NHS: variants seen among roughly 807,000 people sequenced by gnomAD.
The protein encoded by NHS is NHS actin remodeling regulator, also known as actin remodeling regulator NHS.
In NHS, 5 loss-of-function variants were observed where a neutral mutation model predicts 72.5. The observed-to-expected ratio is 0.07, with a 90% CI of 0.04 to 0.14. The LOEUF (loss-of-function observed/expected upper bound fraction) is 0.14. Ranked by LOEUF, NHS falls within the 10% of genes least tolerant of loss-of-function variation. The pLI, the probability that NHS is intolerant of heterozygous loss-of-function variation, is 1.00. For missense variants in NHS, 1,072 were observed against 1,355.7 expected (o/e 0.79, Z 3.29); for synonymous variants, 464 against 547.7 (o/e 0.85, Z 2.13).
intron 1 of NHS, among the ~76,000 whole-genome samples, chrX:17,482,357 C>T (rs1369556174): frequency 8.9e-6 from 1 of 111,758 alleles, no homozygotes; most frequent in Non-Finnish European, 1.9e-5. Context: ...TCCACAGTCC[C>T]TCTCTATAAG....
chrX:17,624,357 A>G (rs1195133949), intron 1 of NHS, among the ~76,000 whole-genome samples: 1 of 112,193 alleles, frequency 8.9e-6, no homozygotes, highest in African/African-American at 3.2e-5. Flanking sequence ...AAGCATCCAA[A>G]TCATACAATT....
At chrX:17,692,288 G>T in intron 2 of NHS, 47 bp from the exon 3 acceptor site, 1 of 1,181,256 alleles carries the variant, frequency 8.5e-7, no homozygotes, top group East Asian at 3.1e-5. Flanking sequence ...AAGAGAAATT[G>T]AAAATGCCAA....
intron 1 of NHS, among the ~76,000 whole-genome samples, chrX:17,598,182 C>A (rs371939338): frequency 1.8e-5 from 2 of 111,145 alleles, no homozygotes; most frequent in African/African-American, 3.3e-5. Flanking sequence ...TTCCAACAGG[C>A]CTTCTTGGGC....
chrX:17,586,621 A>G (rs994686344), intron 1 of NHS: 14 of 111,909 alleles, frequency 1.3e-4, no homozygotes, highest in African/African-American at 3.9e-4. Flanking sequence ...AAGATCTGAG[A>G]ATGTTGCTAA....
At chrX:17,591,391 A>G (rs2065602165) in intron 1 of NHS, among the ~76,000 whole-genome samples, 1 of 111,656 alleles carries the variant, frequency 9.0e-6, no homozygotes, top group Non-Finnish European at 1.9e-5. Context: ...TTCCACAACC[A>G]AACCCAAGAT....
chrX:17,682,323 C>G (rs899077586), intron 1 of NHS, among the ~76,000 whole-genome samples: 11 of 111,521 alleles, frequency 9.9e-5, no homozygotes, highest in African/African-American at 3.3e-4. Context: ...AACAAACTGG[C>G]TATGTATCTG....
chrX:17,677,267 G>T (rs745547641), intron 1 of NHS, among the ~76,000 whole-genome samples: 41 of 112,307 alleles, frequency 3.7e-4, no homozygotes, highest in Non-Finnish European at 6.9e-4. Flanking sequence ...ATTTCCATCA[G>T]CATTGTTGAG....
At chrX:17,686,754 G>A (rs1161105205) in intron 1 of NHS, 1 of 111,853 alleles carries the variant, frequency 8.9e-6, no homozygotes, top group African/African-American at 3.3e-5. Flanking sequence ...GGGAGGTGGG[G>A]GGAGCAGGGT....
chrX:17,532,305 A>G (rs943513739), intron 1 of NHS, among the ~76,000 whole-genome samples: 5 of 111,544 alleles, frequency 4.5e-5, no homozygotes, highest in Non-Finnish European at 3.8e-5. Flanking sequence ...AAATGAATCA[A>G]TCCATCGAGG....
chrX:17,617,295 G>T, intron 1 of NHS, among the ~76,000 whole-genome samples: 1 of 112,152 alleles, frequency 8.9e-6, no homozygotes, highest in Non-Finnish European at 1.9e-5. Context: ...CACAGCACAT[G>T]AGTCAACTGC....
chrX:17,596,388 C>G (rs1357622560), intron 1 of NHS, among the ~76,000 whole-genome samples: 1 of 111,937 alleles, frequency 8.9e-6, no homozygotes, highest in Non-Finnish European at 1.9e-5. Flanking sequence ...TTCAAATATC[C>G]CAGACATGCC....
intron 1 of NHS, among the ~76,000 whole-genome samples, chrX:17,612,757 A>G (rs1041670781): frequency 9.9e-5 from 11 of 110,706 alleles, no homozygotes; most frequent in Non-Finnish European, 5.7e-5. Flanking sequence ...TCGTCTCTCT[A>G]TCCATCCAAA....
Position 17,728,206 on chromosome X carries a change from A to G in NHS, c.4100A>G (p.Asn1367Ser). 8.3e-7 allele frequency: 1 copy of G among 1,211,771 alleles called. No individual in the cohort carries two copies. Among genetic ancestry groups the G allele is most frequent in the South Asian group, 1.8e-5 (1 of 56,953 alleles). Reference protein sequence around the residue: ...ISYESEITSVNSFPEKCSKQE... With the variant: ...ISYESEITSVSSFPEKCSKQE... ...TATGAATCGGAGATAACATCTGTAA[A>G]TTCATTCCCTGAAAAATGTTCCAAG... The change falls in exon 7 of 9, where the codon AAT becomes AGT. Residue 1367 changes from asparagine to serine, a missense_variant. Asn to Ser is a conservative substitution (Grantham distance 46). Transcript: ENST00000676302.
intron 1 of NHS, among the ~76,000 whole-genome samples, chrX:17,656,913 T>C (rs1200456861): frequency 8.9e-6 from 1 of 112,779 alleles, no homozygotes; most frequent in African/African-American, 3.2e-5. Flanking sequence ...CTCTCCTGTT[T>C]TCCTGCCCTG....
At chrX:17,408,738 G>C in intron 1 of NHS, among the ~76,000 whole-genome samples, 2 of 111,755 alleles carry the variant, frequency 1.8e-5, no homozygotes, top group South Asian at 7.6e-4. Context: ...GTCCCAGTAT[G>C]TATTAGTCTA....
At chrX:17,423,593 G>C (rs2064634908) in intron 1 of NHS, among the ~76,000 whole-genome samples, 1 of 111,509 alleles carries the variant, frequency 9.0e-6, no homozygotes, top group Non-Finnish European at 1.9e-5. Flanking sequence ...GCTTGAGTGG[G>C]CATCAAAGAC....
At chrX:17,472,984 A>G (rs1182105717) in intron 1 of NHS, among the ~76,000 whole-genome samples, 2 of 112,709 alleles carry the variant, frequency 1.8e-5, no homozygotes, top group Admixed American at 9.4e-5. Context: ...AATTTGGGTA[A>G]GGAAGATTCA....
At chrX:17,477,126 A>T (rs1002641086) in intron 1 of NHS, among the ~76,000 whole-genome samples, 4 of 112,088 alleles carry the variant, frequency 3.6e-5, no homozygotes, top group Non-Finnish European at 7.5e-5. Flanking sequence ...CATAAGATAA[A>T]TATGTTATAC....
chrX:17,519,124 G>A (rs2065134959), intron 1 of NHS, among the ~76,000 whole-genome samples: 1 of 111,923 alleles, frequency 8.9e-6, no homozygotes, highest in Admixed American at 9.5e-5. Flanking sequence ...TTCCTGTGCT[G>A]CACGAATGCC....
Sources: gnomAD v4.1 joint callset for allele counts (sites outside exome capture counted in the v4.1 genomes callset) on GRCh38, gnomAD v4.1.1 for gene constraint, MANE v1.5 for transcripts, NCBI Gene and HGNC (gene_info 2026-07-23, HGNC 2026-07-21) for gene names.